The following ITFG1 variants were observed in gnomAD, a reference collection of about 807,000 sequenced individuals.
ITFG1 encodes T-cell immunomodulatory protein.
ITFG1 carries 34 observed loss-of-function variants against 81.8 expected under a neutral mutation model. That is an observed-to-expected ratio of 0.42 (90% CI 0.32 to 0.55). The LOEUF (loss-of-function observed/expected upper bound fraction) is 0.55, where lower values mean the gene tolerates loss of function less well. ITFG1 is among the 20% of genes least tolerant of loss of function. ITFG1 has a pLI of 0.17. For synonymous variants in ITFG1, 285 were observed against 270.6 expected, an observed-to-expected ratio of 1.05 and a Z score of -0.52; for missense variants, 672 against 755.4, an observed-to-expected ratio of 0.89 and a Z score of 1.29.
chr16:47,447,025 T>G (rs2151617100), intron 5 of ITFG1, among the ~76,000 whole-genome samples: 1 of 152,054 alleles, frequency 6.6e-6, no homozygotes, highest in East Asian at 1.9e-4. Flanking sequence ...TCATGCTCGA[T>G]TAATTTTTTC....
At chr16:47,350,599 G>C (rs1462349032) in intron 8 of ITFG1, among the ~76,000 whole-genome samples, 1 of 152,130 alleles carries the variant, frequency 6.6e-6, no homozygotes, top group Non-Finnish European at 1.5e-5. Context: ...AACAGTCCAG[G>C]ACCAGATGGA....
At chr16:47,192,692 G>A (rs1481366849) in intron 14 of ITFG1, among the ~76,000 whole-genome samples, 1 of 152,200 alleles carries the variant, frequency 6.6e-6, no homozygotes, top group Non-Finnish European at 1.5e-5. Context: ...AGCTTGGTTA[G>A]GTGTTGGTAA....
intron 8 of ITFG1, among the ~76,000 whole-genome samples, chr16:47,362,919 G>A (rs1407988844): frequency 1.3e-5 from 2 of 151,438 alleles, no homozygotes; most frequent in Admixed American, 1.3e-4. Context: ...TTTTTGAGAG[G>A]GGGTCTCACT....
chr16:47,329,042 GC>G (rs1216810040), intron 8 of ITFG1, among the ~76,000 whole-genome samples: 1 of 152,048 alleles, frequency 6.6e-6, no homozygotes, highest in Non-Finnish European at 1.5e-5. Flanking sequence ...CACGCTTAAG[GC>G]AGCAAGGACT....
intron 8 of ITFG1, among the ~76,000 whole-genome samples, chr16:47,314,678 G>A (rs1268089938): frequency 6.6e-6 from 1 of 152,106 alleles, no homozygotes. Context: ...AGATTTTGAT[G>A]TCGCAGAGTT....
chr16:47,260,857 G>A (rs1246829552), intron 10 of ITFG1, among the ~76,000 whole-genome samples, 162 bp from the exon 11 acceptor site: 1 of 152,142 alleles, frequency 6.6e-6, no homozygotes, highest in African/African-American at 2.4e-5. Context: ...TTAAAAAATT[G>A]TTGGCTATCC....
intron 7 of ITFG1, among the ~76,000 whole-genome samples, chr16:47,374,123 C>T (rs539748745): frequency 1.3e-5 from 2 of 152,268 alleles, no homozygotes; most frequent in South Asian, 2.1e-4. Flanking sequence ...GTTATAACAT[C>T]CTGATTTTCC....
chr16:47,455,777 C>CAAAAAA (rs1325999369), intron 2 of ITFG1, among the ~76,000 whole-genome samples: 2 of 46,260 alleles, frequency 4.3e-5, no homozygotes, highest in South Asian at 8.1e-4. Context: ...CATCCCCCAC[C>CAAAAAA]AAAAAAAAAA....
chr16:47,357,786 A>ATTTG (rs899946391), intron 8 of ITFG1, among the ~76,000 whole-genome samples: 3 of 152,136 alleles, frequency 2.0e-5, no homozygotes, highest in Non-Finnish European at 4.4e-5. Context: ...TTTTCCTCAT[A>ATTTG]TTTGTATACC....
intron 4 of ITFG1, among the ~76,000 whole-genome samples, chr16:47,452,347 C>G (rs1395489648): frequency 6.6e-6 from 1 of 152,130 alleles, no homozygotes; most frequent in Non-Finnish European, 1.5e-5. Flanking sequence ...TAACACAAAG[C>G]AGGAGTTATA....
chr16:47,158,910 A>G lies in ITFG1; in HGVS notation c.1742T>C (p.Ile581Thr), dbSNP rs751457135. ...ATGTAAAATGCCAATTATTGCCAAG[A>G]TGAAAACACAGACACCGATGAGAGC... Reference protein sequence around the residue: ...AIALIGVCVFILAIIGILHWQ... With the variant: ...AIALIGVCVFTLAIIGILHWQ... The change falls in exon 17 of 18, where the codon ATC becomes ACC. Residue 581 changes from isoleucine to threonine, a missense_variant. Transcript: ENST00000320640. The G allele has an allele frequency of 6.2e-7, 1 of 1,603,224 alleles. No homozygotes were observed. The highest frequency in any genetic ancestry group is 1.1e-5 in the South Asian group (1 of 89,532).
chr16:47,326,440 T>C (rs940470405), intron 8 of ITFG1, among the ~76,000 whole-genome samples: 2 of 152,154 alleles, frequency 1.3e-5, no homozygotes, highest in African/African-American at 2.4e-5. Context: ...CTCTCACCAC[T>C]AATATTCAAA....
chr16:47,401,679 C>T (rs1027926302), intron 6 of ITFG1, among the ~76,000 whole-genome samples: 4 of 152,070 alleles, frequency 2.6e-5, no homozygotes, highest in Non-Finnish European at 4.4e-5. Flanking sequence ...TTAAATGGAA[C>T]AGATAAATAT....
intron 10 of ITFG1, among the ~76,000 whole-genome samples, chr16:47,293,637 T>C (rs1220752282): frequency 6.6e-6 from 1 of 151,918 alleles, no homozygotes; most frequent in African/African-American, 2.4e-5. Context: ...TTCTTGGCCA[T>C]CTATATGTCT....
At chr16:47,424,028 A>C (rs1057348821) in intron 6 of ITFG1, among the ~76,000 whole-genome samples, 2 of 152,206 alleles carry the variant, frequency 1.3e-5, no homozygotes, top group Non-Finnish European at 2.9e-5. Context: ...AGTGTTTTCC[A>C]ACTTGGTTCC....
chr16:47,245,798 T>C (rs1184854519), intron 12 of ITFG1, among the ~76,000 whole-genome samples: 3 of 152,018 alleles, frequency 2.0e-5, no homozygotes, highest in Non-Finnish European at 4.4e-5. Flanking sequence ...ATATCAAGAC[T>C]GTGAAGTAAT....
chr16:47,200,235 A>G (rs1385462566), intron 14 of ITFG1, among the ~76,000 whole-genome samples: 1 of 152,234 alleles, frequency 6.6e-6, no homozygotes, highest in Non-Finnish European at 1.5e-5. Flanking sequence ...TGCATTTTGC[A>G]AAACTTACTC....
intron 8 of ITFG1, among the ~76,000 whole-genome samples, chr16:47,326,104 C>T (rs1158095699): frequency 2.0e-5 from 3 of 152,172 alleles, no homozygotes; most frequent in African/African-American, 4.8e-5. Flanking sequence ...AATCCAGCAA[C>T]ACATAAAAAG....
rs376475461 is a variant in ITFG1, at chr16:47,267,176, T to C, written c.1071-6481A>G. On this transcript the variant is annotated intron_variant, in intron 10 of 17. Transcript: ENST00000320640. ...GAACTGTATACTTTAAGTGGGTGAATTGTATGGCAAGTGATTATATCTCAA... is the reference window on the plus strand; with the variant it reads ...GAACTGTATACTTTAAGTGGGTGAACTGTATGGCAAGTGATTATATCTCAA... Among the ~76,000 whole-genome samples the C allele has an allele frequency of 1.1e-3, 161 of 152,276 alleles. 7 individuals are homozygous for C. In the South Asian group the frequency reaches 0.032, roughly 31 times the overall value.
Sources: allele counts gnomAD v4.1 joint callset (sites outside exome capture counted in the v4.1 genomes callset), GRCh38; gene constraint gnomAD v4.1.1; transcripts MANE v1.5; gene names NCBI Gene and HGNC (gene_info 2026-07-23, HGNC 2026-07-21).